RORA: variants seen among roughly 807,000 people sequenced by gnomAD.
RORA encodes nuclear receptor ROR-alpha.
Under a neutral mutation model 69.5 loss-of-function variants are expected in RORA, and 7 were observed. The observed-to-expected ratio is 0.10, with a 90% CI of 0.06 to 0.19. The LOEUF is 0.19. Among genes scored for constraint, RORA ranks in the 10% least tolerant of loss-of-function variants. RORA has a pLI of 1.00. For synonymous variants in RORA, 261 were observed against 240.8 expected (o/e 1.08, Z -0.78); for missense variants, 457 against 663.0 (o/e 0.69, Z 3.41).
rs577031543 is a variant in RORA, at chr15:60,590,729, TAAG to T, written c.197-58881_197-58879del. Reference sequence around the variant, plus strand: ...GTGGGGGAGAATAGATTTTTTAACATAAGAAGTCGATAAGAAATCTTAATAATT... The same window carrying T: ...GTGGGGGAGAATAGATTTTTTAACATAAGTCGATAAGAAATCTTAATAATT... On this transcript the variant is annotated intron_variant, in intron 2 of 10. Coordinates refer to ENST00000335670, the MANE Select transcript of RORA (RefSeq NM_134261.3). 9.9e-5 allele frequency among the ~76,000 whole-genome samples: 15 copies of T among 152,252 alleles called. No individual in the cohort carries two copies. The South Asian group carries it at 2.7e-3, about 27-fold the overall frequency.
At chr15:61,152,458 T>C (rs1158990739) in intron 1 of RORA, among the ~76,000 whole-genome samples, 3 of 113,238 alleles carry the variant, frequency 2.6e-5, no homozygotes, top group Admixed American at 2.4e-4. Flanking sequence ...TATCATATAT[T>C]TATATTTAAA....
At chr15:61,040,930 T>C (rs892071231) in intron 1 of RORA, among the ~76,000 whole-genome samples, 17 of 152,248 alleles carry the variant, frequency 1.1e-4, no homozygotes, top group African/African-American at 3.6e-4. Flanking sequence ...TTTGTAATTA[T>C]GCCTTCCTTT....
chr15:60,843,381 G>A (rs2073225537), intron 1 of RORA, among the ~76,000 whole-genome samples: 1 of 152,124 alleles, frequency 6.6e-6, no homozygotes, highest in African/African-American at 2.4e-5. Context: ...GAGGACATCG[G>A]AGCCTGGAGA....
intron 1 of RORA, among the ~76,000 whole-genome samples, chr15:60,779,410 T>A (rs74379440): frequency 0.027 from 4,071 of 152,246 alleles, 84 homozygotes; most frequent in Non-Finnish European, 0.04. Flanking sequence ...GTCTAATGCA[T>A]CTCTCCATAA....
intron 1 of RORA, among the ~76,000 whole-genome samples, chr15:60,768,769 T>A (rs917600500): frequency 6.6e-6 from 1 of 152,190 alleles, no homozygotes. Context: ...TCTAATGAAC[T>A]CATCACATGC....
At chr15:61,013,731 C>A (rs1443741469) in intron 1 of RORA, among the ~76,000 whole-genome samples, 2 of 146,410 alleles carry the variant, frequency 1.4e-5, no homozygotes, top group Non-Finnish European at 3.0e-5. Flanking sequence ...AGGTTATTAT[C>A]TGGTTCTCAA....
At chr15:61,017,208 G>T (rs1004974179) in intron 1 of RORA, among the ~76,000 whole-genome samples, 4 of 152,188 alleles carry the variant, frequency 2.6e-5, no homozygotes, top group African/African-American at 9.6e-5. Flanking sequence ...ATGAAAACAA[G>T]TTCCAAATGT....
intron 1 of RORA, among the ~76,000 whole-genome samples, chr15:60,933,341 C>T (rs1294315010): frequency 6.6e-6 from 1 of 152,202 alleles, no homozygotes; most frequent in Non-Finnish European, 1.5e-5. Flanking sequence ...ACTCACTCTC[C>T]CTAAATGTAC....
chr15:60,906,784 A>G (rs1387126422), intron 1 of RORA, among the ~76,000 whole-genome samples: 2 of 152,208 alleles, frequency 1.3e-5, no homozygotes, highest in Admixed American at 6.5e-5. Context: ...TTTATTGTAC[A>G]TTCAGATTAT....
chr15:61,073,551 G>T (rs2078401096), intron 1 of RORA, among the ~76,000 whole-genome samples: 1 of 152,094 alleles, frequency 6.6e-6, no homozygotes, highest in Non-Finnish European at 1.5e-5. Context: ...TCCACCTAAG[G>T]GAGTTTCAGT....
chr15:60,756,241 A>C (rs991807861), intron 1 of RORA, among the ~76,000 whole-genome samples: 4 of 152,368 alleles, frequency 2.6e-5, no homozygotes, highest in Non-Finnish European at 4.4e-5. Flanking sequence ...ACCTGTGCTC[A>C]TGACTTCGTC....
chr15:60,634,966 T>C (rs1409811516), intron 2 of RORA, among the ~76,000 whole-genome samples: 1 of 152,248 alleles, frequency 6.6e-6, no homozygotes, highest in Non-Finnish European at 1.5e-5. Context: ...TTGCTGTTTC[T>C]AAGCGATTAA....
intron 2 of RORA, among the ~76,000 whole-genome samples, chr15:60,622,007 C>T (rs1596070138): frequency 1.3e-5 from 2 of 151,922 alleles, no homozygotes; most frequent in Non-Finnish European, 2.9e-5. Context: ...AAGGTTGCAC[C>T]GTTGCACTCC....
intron 1 of RORA, among the ~76,000 whole-genome samples, chr15:61,057,726 C>G (rs528967788): frequency 6.6e-6 from 1 of 152,256 alleles, no homozygotes; most frequent in Admixed American, 6.5e-5. Context: ...AAAGTGCTAG[C>G]CTTTGTACAG....
At chr15:60,764,594 C>T (rs1012109542) in intron 1 of RORA, 4 of 152,050 alleles carry the variant, frequency 2.6e-5, no homozygotes, top group African/African-American at 9.7e-5. Context: ...CAGAAATGTA[C>T]TCCAAGGCTG....
intron 1 of RORA, among the ~76,000 whole-genome samples, chr15:60,878,853 A>G (rs2073648257): frequency 6.6e-6 from 1 of 152,200 alleles, no homozygotes; most frequent in Admixed American, 6.5e-5. Context: ...ACAGGTATCC[A>G]GAATTGGTGT....
intron 2 of RORA, among the ~76,000 whole-genome samples, chr15:60,570,642 G>A (rs1049841872): frequency 5.9e-5 from 9 of 152,098 alleles, no homozygotes; most frequent in African/African-American, 2.2e-4. Context: ...GAGCTACTGC[G>A]CCTGGCCCAT....
At chr15:61,224,519 A>C (rs2080128537) in intron 1 of RORA, among the ~76,000 whole-genome samples, 1 of 152,138 alleles carries the variant, frequency 6.6e-6, no homozygotes, top group South Asian at 2.1e-4. Context: ...TGCTTAAGAT[A>C]CCATACCATA....
chr15:61,151,958 G>GCCCACAA (rs1404936892), intron 1 of RORA, among the ~76,000 whole-genome samples: 3 of 152,144 alleles, frequency 2.0e-5, no homozygotes, highest in Non-Finnish European at 2.9e-5. Context: ...GGCCCACTGT[G>GCCCACAA]CTCTAGAGTT....
Sources: allele counts gnomAD v4.1 joint callset (sites outside exome capture counted in the v4.1 genomes callset), GRCh38; gene constraint gnomAD v4.1.1; transcripts MANE v1.5; gene names NCBI Gene and HGNC (gene_info 2026-07-23, HGNC 2026-07-21).